Variants in USH2A observed in about 807,000 individuals in gnomAD.
USH2A encodes the protein usherin, also known as Usher syndrome 2A (autosomal recessive, mild).
Under a neutral mutation model 538.9 loss-of-function variants are expected in USH2A, and 443 were observed. The observed-to-expected ratio is 0.82, with a 90% CI of 0.76 to 0.89. The LOEUF (loss-of-function observed/expected upper bound fraction) is 0.89. USH2A is among the 40% of genes least tolerant of loss of function. The probability of loss-of-function intolerance (pLI) is 0.00; values close to 1 mark genes in which losing one functional copy is unlikely to be tolerated. For missense variants in USH2A, 6,633 were observed against 6,324.8 expected, an observed-to-expected ratio of 1.05 and a Z score of -1.65; for synonymous variants, 2,413 against 2,273.5, an observed-to-expected ratio of 1.06 and a Z score of -1.75.
intron 11 of USH2A, among the ~76,000 whole-genome samples, chr1:216,260,947 T>G (rs888655983): frequency 2.6e-5 from 4 of 152,156 alleles, no homozygotes; most frequent in African/African-American, 9.6e-5. Flanking sequence ...ATAAGAACTC[T>G]AGAACTAATA....
intron 4 of USH2A, among the ~76,000 whole-genome samples, chr1:216,341,482 T>C (rs547497370): frequency 2.7e-4 from 41 of 152,208 alleles, no homozygotes; most frequent in African/African-American, 9.9e-4. Context: ...CTTCACAGAA[T>C]TAGAAAAAAC....
chr1:215,964,528 G>A (rs551405430), intron 37 of USH2A, among the ~76,000 whole-genome samples: 21 of 152,196 alleles, frequency 1.4e-4, no homozygotes, highest in Admixed American at 9.8e-4. Flanking sequence ...TCAAGCCTAA[G>A]CAACAGACTA....
intron 4 of USH2A, among the ~76,000 whole-genome samples, chr1:216,337,221 C>T (rs2037990665): frequency 6.6e-6 from 1 of 151,344 alleles, no homozygotes; most frequent in Admixed American, 6.6e-5. Context: ...GTAGCAGGCC[C>T]TGTTCTGTGT....
rs1452898437 is a variant in USH2A at position 216,196,623 on chromosome 1, A to G, written c.4181T>C (p.Val1394Ala). The G allele has an allele frequency of 6.2e-7, 1 of 1,613,602 alleles. No individual in the cohort carries two copies. The highest frequency in any genetic ancestry group is 1.1e-5 in the South Asian group (1 of 91,080). ...KPADNVTRGK[V>A]VGYDINMLSE... Reference sequence around the variant, plus strand: ...AAGCATATTGATGTCATACCCCACAACTTTTCCTCTTGTAACATTATCTGC... The same window carrying G: ...AAGCATATTGATGTCATACCCCACAGCTTTTCCTCTTGTAACATTATCTGC... The change falls in exon 19 of 72, where the codon GTT becomes GCT. Residue 1394 changes from valine to alanine, a missense_variant. Coordinates refer to ENST00000307340, the MANE Select transcript of USH2A (RefSeq NM_206933.4).
Position 216,387,377 on chromosome 1 carries a change from C to T in USH2A, c.652-22292G>A, listed in dbSNP as rs190726393. Among the ~76,000 whole-genome samples, 41 of 152,108 alleles carry T rather than the reference C, an allele frequency of 2.7e-4. 1 individual carries two copies. In the East Asian group the frequency reaches 4.7e-3, roughly 17 times the overall value. ...CAATTTAGTTTCCATTTTCTATTTC[C>T]ACAATTTACTGTGATATAGCTGATC... On this transcript the variant is annotated intron_variant, in intron 3 of 71. Transcript: ENST00000307340.
intron 63 of USH2A, among the ~76,000 whole-genome samples, chr1:215,671,766 C>A (rs1342070414): frequency 6.6e-6 from 1 of 152,116 alleles, no homozygotes; most frequent in Non-Finnish European, 1.5e-5. Context: ...TCTCAGCAGT[C>A]CTGGACTCCT....
chr1:216,267,119 AGAG>A (rs978148944), intron 11 of USH2A, among the ~76,000 whole-genome samples: 5 of 152,072 alleles, frequency 3.3e-5, no homozygotes, highest in Non-Finnish European at 7.4e-5. Context: ...TTCAAAGGTA[AGAG>A]GAGGGCACAG....
chr1:216,061,556 G>A (rs1009246229), intron 30 of USH2A, among the ~76,000 whole-genome samples: 1 of 152,170 alleles, frequency 6.6e-6, no homozygotes, highest in Non-Finnish European at 1.5e-5. Flanking sequence ...TGGCTGTACA[G>A]CAGAATTACC....
In USH2A at chr1:216,357,732, C is replaced by G. The variant is rs146341611; in HGVS notation, c.784+7221G>C. 3.0e-3 allele frequency among the ~76,000 whole-genome samples: 451 copies of G among 152,214 alleles called. 3 individuals are homozygous for G. The highest frequency in any genetic ancestry group is 0.011 in the African/African-American group (440 of 41,540). ...CGGCAACTAGAACTCTGTTGATAAA[C>G]AAGTTCAGAAATAACTGGGAAAAGT... On this transcript the variant is annotated intron_variant, in intron 4 of 71. Transcript: ENST00000307340.
intron 11 of USH2A, among the ~76,000 whole-genome samples, chr1:216,271,215 A>G (rs933487763): frequency 9.9e-5 from 15 of 152,072 alleles, no homozygotes; most frequent in Non-Finnish European, 1.5e-4. Context: ...CCAGTCTCAC[A>G]TACCATTACT....
At chr1:216,134,438 G>C (rs1250382530) in intron 21 of USH2A, among the ~76,000 whole-genome samples, 1 of 152,052 alleles carries the variant, frequency 6.6e-6, no homozygotes, top group Admixed American at 6.6e-5. Context: ...TAGCAGAACA[G>C]AATAAGGGAT....
At chr1:215,635,157 G>A (rs1220156481) in intron 69 of USH2A, among the ~76,000 whole-genome samples, 1 of 152,182 alleles carries the variant, frequency 6.6e-6, no homozygotes, top group East Asian at 1.9e-4. Flanking sequence ...GATCTGAGGT[G>A]TACTTGCTTC....
chr1:215,995,548 C>T (rs913359199), intron 34 of USH2A, among the ~76,000 whole-genome samples: 2 of 152,110 alleles, frequency 1.3e-5, no homozygotes, highest in Admixed American at 1.3e-4. Flanking sequence ...TTGAACCAAT[C>T]AGTATCTTGT....
At position 216,226,790 on chromosome 1, in the gene USH2A, T is replaced by A. The variant is rs1366923195; in HGVS notation, c.2993+5163A>T. Among the ~76,000 whole-genome samples, 4 of 152,336 alleles carry A rather than the reference T, an allele frequency of 2.6e-5. No individual in the cohort carries two copies. In the South Asian group the frequency reaches 8.3e-4, roughly 32 times the overall value. On this transcript the variant is annotated intron_variant, in intron 14 of 71. Coordinates refer to ENST00000307340, the MANE Select transcript of USH2A (RefSeq NM_206933.4). ...AGCACAGACTAAGACAACCTTACCC[T>A]GTCTTTCTTCCTTGTGGTCTTCATC...
At chr1:216,225,219 C>T (rs912258527) in intron 14 of USH2A, among the ~76,000 whole-genome samples, 1 of 151,882 alleles carries the variant, frequency 6.6e-6, no homozygotes, top group African/African-American at 2.4e-5. Flanking sequence ...ACAATAACAA[C>T]CAGAAGTCAA....
intron 3 of USH2A, among the ~76,000 whole-genome samples, chr1:216,370,516 C>A (rs1168436278): frequency 6.7e-6 from 1 of 150,118 alleles, no homozygotes; most frequent in Non-Finnish European, 1.5e-5. Context: ...CCTGTCCCTG[C>A]TAAAAATACA....
intron 60 of USH2A, among the ~76,000 whole-genome samples, chr1:215,735,323 C>A: frequency 6.6e-6 from 1 of 152,178 alleles, no homozygotes; most frequent in East Asian, 1.9e-4. Context: ...TTAGAGTTCT[C>A]TTTTTATGCT....
chr1:215,896,176 A>C (rs1176215745), intron 40 of USH2A, among the ~76,000 whole-genome samples: 4 of 152,354 alleles, frequency 2.6e-5, no homozygotes, highest in African/African-American at 9.6e-5. Context: ...TTTATGCAGT[A>C]GTGCCTCTTA....
At chr1:216,040,665 C>T (rs534870723) in intron 32 of USH2A, among the ~76,000 whole-genome samples, 9 of 152,082 alleles carry the variant, frequency 5.9e-5, no homozygotes, top group African/African-American at 2.2e-4. Flanking sequence ...TGAACAGTCT[C>T]ATGAAGGATT....
Sources: allele counts gnomAD v4.1 joint callset (sites outside exome capture counted in the v4.1 genomes callset), GRCh38; gene constraint gnomAD v4.1.1; transcripts MANE v1.5; gene names NCBI Gene and HGNC (gene_info 2026-07-23, HGNC 2026-07-21).